ZNF384: variants seen among roughly 807,000 people sequenced by gnomAD.
ZNF384 encodes the protein zinc finger protein 384.
Under a neutral mutation model 65.0 loss-of-function variants are expected in ZNF384, and 20 were observed. The observed-to-expected ratio is 0.31, with a 90% CI of 0.22 to 0.45. The LOEUF (loss-of-function observed/expected upper bound fraction) is 0.45. Among genes scored for constraint, ZNF384 ranks in the 20% least tolerant of loss-of-function variants. The pLI, the probability that ZNF384 is intolerant of heterozygous loss-of-function variation, is 1.00. For missense variants in ZNF384, 549 were observed against 769.4 expected, an observed-to-expected ratio of 0.71 and a Z score of 3.39; for synonymous variants, 310 against 303.9, an observed-to-expected ratio of 1.02 and a Z score of -0.21.
At chr12:6,670,867 G>C in intron 9 of ZNF384, 29 bp from the exon 10 acceptor site, 1 of 1,602,308 alleles carries the variant, frequency 6.2e-7, no homozygotes, top group Non-Finnish European at 8.5e-7. Flanking sequence ...AAAAGGGAAA[G>C]AATGTCAGCA....
chr12:6,678,779 C>A lies in ZNF384; in HGVS notation c.305-69G>T. ...GACCGCATCTTCTACTTCTTTGTAT[C>A]CCCCACAATGCCTAGCACATTGCTA... On this transcript the variant is annotated intron_variant, in intron 4 of 11. Transcript: ENST00000683879. This position sits in a 1 kb window ranked among gnomAD's most constrained non-coding sequence, Gnocchi z 4.9. 1 of 1,562,886 alleles carries A rather than the reference C, an allele frequency of 6.4e-7. No homozygotes were observed. Among genetic ancestry groups the A allele is most frequent in the East Asian group, 2.2e-5 (1 of 44,616 alleles).
chr12:6,672,576 C>T lies in ZNF384; in HGVS notation c.1005-44G>A, dbSNP rs545245662. On this transcript the variant is annotated intron_variant, in intron 8 of 11. Coordinates refer to ENST00000683879, the MANE Select transcript of ZNF384 (RefSeq NM_001385745.1). The surrounding 1 kb of genome is among the most constrained non-coding windows in gnomAD (Gnocchi z 4.4). ...GGGAAGGGGGGAGGAGGAAGCAGTT[C>T]GACACCAGGGGCTCAGCTCTCTGCT... is the stretch of plus-strand genomic sequence containing the variant. The T allele has an allele frequency of 1.6e-5, 26 of 1,583,818 alleles. No homozygotes were observed. Among genetic ancestry groups the T allele is most frequent in the East Asian group, 2.2e-5 (1 of 44,476 alleles).
In ZNF384 at chr12:6,678,231, C is replaced by T. The variant is rs779367150; in HGVS notation, c.582G>A (p.Arg194=). Reference sequence around the variant, plus strand: ...CTGATTCCAGCATCCGCTTCTTCTTCCGGCCCCGGGGTGGCTTAGGAGCCA... The same window carrying T: ...CTGATTCCAGCATCCGCTTCTTCTTTCGGCCCCGGGGTGGCTTAGGAGCCA... ...GSVAPKPPRG[R]KKKRMLESGL... is the part of the protein sequence containing the mutation. Residue 194 remains arginine (R), a synonymous_variant, in exon 6 of 12, where the codon CGG becomes CGA. Transcript: ENST00000683879. This position sits in a 1 kb window ranked among gnomAD's most constrained non-coding sequence, Gnocchi z 4.9. 2.5e-6 allele frequency: 4 copies of T among 1,614,182 alleles called. No homozygotes were observed. The Admixed American group carries it at 6.7e-5, about 27-fold the overall frequency.
At chr12:6,686,562 T>C (rs1271467405) in intron 2 of ZNF384, among the ~76,000 whole-genome samples, 1 of 152,220 alleles carries the variant, frequency 6.6e-6, no homozygotes, top group East Asian at 1.9e-4. Context: ...CCAAGACTTG[T>C]GAATTCTAAT....
chr12:6,676,725 T>C (rs1246854929), intron 7 of ZNF384, among the ~76,000 whole-genome samples: 2 of 152,202 alleles, frequency 1.3e-5, no homozygotes, highest in African/African-American at 4.8e-5. Context: ...TTAAAAGGGA[T>C]TTTAATTTTA....
intron 2 of ZNF384, among the ~76,000 whole-genome samples, chr12:6,686,366 G>A (rs558654619): frequency 1.3e-5 from 2 of 152,298 alleles, no homozygotes; most frequent in African/African-American, 4.8e-5. Context: ...CAATTCTCCT[G>A]CCTCAGCCTC....
rs2136956050 is a variant in ZNF384 at position 6,678,651 on chromosome 12, A to T, written c.352+12T>A. 1.1e-5 allele frequency: 17 copies of T among 1,612,662 alleles called. No homozygotes were observed. Among genetic ancestry groups the T allele is most frequent in the Non-Finnish European group, 1.4e-5 (17 of 1,179,534 alleles). On this transcript the variant is annotated intron_variant, in intron 5 of 11. Coordinates refer to ENST00000683879, the MANE Select transcript of ZNF384 (RefSeq NM_001385745.1). The surrounding 1 kb of genome is among the most constrained non-coding windows in gnomAD (Gnocchi z 4.9). Reference sequence around the variant, plus strand: ...CCCTTGTCCCCACCCCCCTGGTAACAGTGAGATTTACCCCTTGATTGACTC... The same window carrying T: ...CCCTTGTCCCCACCCCCCTGGTAACTGTGAGATTTACCCCTTGATTGACTC...
rs1259118499 is a variant in ZNF384 at position 6,679,449 on chromosome 12, A to G, written c.66+6T>C. On this transcript the variant is annotated splice_donor_region_variant and intron_variant, in intron 3 of 11. Transcript: ENST00000683879. ...TTGGAGAGAGCAAGAAAGCAACACC[A>G]CTTACCTGACCTGAGACTGTGGGGA... is the stretch of plus-strand genomic sequence containing the variant. 6.2e-7 allele frequency: 1 copy of G among 1,613,778 alleles called. No homozygotes were observed. The highest frequency in any genetic ancestry group is 1.1e-5 in the South Asian group (1 of 91,070).
At chr12:6,679,225 G>A (rs1211846504) in intron 3 of ZNF384, 42 bp from the exon 4 acceptor site, 4 of 1,494,980 alleles carry the variant, frequency 2.7e-6, no homozygotes, top group African/African-American at 2.8e-5. Flanking sequence ...TCTTCAGCCT[G>A]AGAGGCTGAT....
Position 6,679,489 on chromosome 12 carries a change from T to C in ZNF384, c.32A>G (p.Tyr11Cys), listed in dbSNP as rs1445922556. ...GACTGTGGGGATAGAAGGCCAGAAG[T>C]ACGGGTTAGAATTGAAGTGAGATTC... Reference protein sequence around the residue: MEESHFNSNPYFWPSIPTVSG... With the variant: MEESHFNSNPCFWPSIPTVSG... Residue 11 changes from tyrosine (Y) to cysteine (C), a missense_variant, in exon 3 of 12, where the codon TAC (tyrosine) becomes TGC (cysteine). Around this residue, in one of 5 missense-constraint regions of ZNF384, gnomAD observed 277 missense variants for 337.2 expected, o/e 0.82. Transcript: ENST00000683879. 1.9e-6 allele frequency: 3 copies of C among 1,614,080 alleles called. No individual in the cohort carries two copies. The highest frequency in any genetic ancestry group is 2.5e-6 in the Non-Finnish European group (3 of 1,179,956).
chr12:6,680,710 C>T (rs1043747005), intron 2 of ZNF384, among the ~76,000 whole-genome samples: 2 of 151,902 alleles, frequency 1.3e-5, no homozygotes, highest in Admixed American at 6.6e-5. Flanking sequence ...CTGAAGACCA[C>T]ACCCCACCAA....
intron 2 of ZNF384, among the ~76,000 whole-genome samples, chr12:6,680,175 G>A (rs1265651228): frequency 6.6e-6 from 1 of 152,088 alleles, no homozygotes; most frequent in Non-Finnish European, 1.5e-5. Context: ...ATGTTGCCCA[G>A]GCTGGTCTTG....
intron 7 of ZNF384, among the ~76,000 whole-genome samples, chr12:6,675,324 C>T (rs1194847275): frequency 6.6e-6 from 1 of 152,174 alleles, no homozygotes; most frequent in South Asian, 2.1e-4. Context: ...CCTGGCAAGT[C>T]TTATCCATGT....
At chr12:6,683,615 T>C (rs1395890317) in intron 2 of ZNF384, among the ~76,000 whole-genome samples, 1 of 146,112 alleles carries the variant, frequency 6.8e-6, no homozygotes, top group Non-Finnish European at 1.5e-5. Context: ...TAAGTCGAGA[T>C]TGCACCACCA....
intron 2 of ZNF384, among the ~76,000 whole-genome samples, chr12:6,681,005 T>C (rs1592404235): frequency 6.6e-6 from 1 of 151,978 alleles, no homozygotes; most frequent in Non-Finnish European, 1.5e-5. Context: ...TCCCCTGAGG[T>C]CAGGAGCTCG....
At chr12:6,668,880 C>G (rs1476500520) in intron 11 of ZNF384, 151 bp downstream of exon 11, 2 of 718,208 alleles carry the variant, frequency 2.8e-6, no homozygotes, top group Middle Eastern at 4.4e-4. Flanking sequence ...CAGAATGGGT[C>G]TAATTAATTT....
Position 6,673,138 on chromosome 12 carries a change from T to G in ZNF384, c.1004+78A>C, listed in dbSNP as rs1952153858. ...GGTGAAAGGGAAAGAATAATACATG[T>G]GGAGAGAGGAGTAGGTGCAGGCAAC... is the stretch of plus-strand genomic sequence containing the variant. On this transcript the variant is annotated intron_variant, in intron 8 of 11. Coordinates refer to ENST00000683879, the MANE Select transcript of ZNF384 (RefSeq NM_001385745.1). The surrounding 1 kb of genome is among the most constrained non-coding windows in gnomAD (Gnocchi z 4.7). 3 of 1,290,668 alleles carry G rather than the reference T, an allele frequency of 2.3e-6. No homozygotes were observed. In the Admixed American group the frequency reaches 6.1e-5, roughly 26 times the overall value. 80.0% of individuals were successfully genotyped at this position (1,290,668 alleles called of 1,614,324 possible).
At chr12:6,682,950 A>T (rs1172438729) in intron 2 of ZNF384, among the ~76,000 whole-genome samples, 1 of 152,258 alleles carries the variant, frequency 6.6e-6, no homozygotes, top group Non-Finnish European at 1.5e-5. Context: ...AAGAAATGAC[A>T]GACAAGAGAT....
In ZNF384 at chr12:6,668,069, A is replaced by T; in HGVS notation, c.1472T>A (p.Leu491His). 6.2e-7 allele frequency: 1 copy of T among 1,611,668 alleles called. No individual in the cohort carries two copies. Among genetic ancestry groups the T allele is most frequent in the Non-Finnish European group, 8.5e-7 (1 of 1,178,384 alleles). Residue 491 changes from leucine (L) to histidine (H), a missense_variant, in exon 12 of 12, where the codon CTT becomes CAT. Around this residue, in one of 5 missense-constraint regions of ZNF384, gnomAD observed 136 missense variants for 183.0 expected, o/e 0.74. Transcript: ENST00000683879. ...KHMRKHNPPD[L>H]QQQVQAAAAA... ...TGCTGCTGCCTGCACCTGTTGCTGA[A>T]GATCAGGCGGGTTGTGTTTGCGCAT...
Sources: allele counts gnomAD v4.1 joint callset (sites outside exome capture counted in the v4.1 genomes callset), GRCh38; gene constraint gnomAD v4.1.1; regional missense constraint gnomAD v4.1.1; non-coding constraint Gnocchi (gnomAD v3.1); transcripts MANE v1.5; gene names NCBI Gene and HGNC (gene_info 2026-07-23, HGNC 2026-07-21).